HMCN1: variants seen among roughly 807,000 people sequenced by gnomAD.
HMCN1 encodes the protein hemicentin 1.
Under a neutral mutation model 625.9 loss-of-function variants are expected in HMCN1, and 321 were observed. That is an observed-to-expected ratio of 0.51 (90% confidence interval 0.47 to 0.56). The LOEUF is 0.56. HMCN1 is among the 20% of genes least tolerant of loss of function. HMCN1 has a pLI of 0.00. For synonymous variants in HMCN1, 2,425 were observed against 2,417.6 expected, an observed-to-expected ratio of 1.00 and a Z score of -0.09; for missense variants, 6,588 against 6,887.3, an observed-to-expected ratio of 0.96 and a Z score of 1.54.
rs149097353 is a variant in HMCN1 at position 186,120,040 on chromosome 1, G to A, written c.12124G>A (p.Gly4042Ser). ...GRNHAVLPSG[G>S]LQISRAVRED... The stretch of plus-strand genomic sequence containing the variant: ...AAACCATGCAGTTCTTCCTAGTGGC[G>A]GCTTACAGATCTCCAGAGCTGTCCG... The change falls in exon 80 of 107, where the codon GGC becomes AGC. Residue 4042 changes from glycine (G) to serine (S), a missense_variant. This residue lies in a region of HMCN1 where 1,954 missense variants were observed against 2,013.1 expected (regional missense o/e 0.97). Coordinates refer to ENST00000271588, the MANE Select transcript of HMCN1 (RefSeq NM_031935.3). The A allele has an allele frequency of 2.9e-5, 46 of 1,613,918 alleles. No homozygotes were observed. The highest frequency in any genetic ancestry group is 2.0e-4 in the East Asian group (9 of 44,878).
intron 19 of HMCN1, among the ~76,000 whole-genome samples, chr1:185,985,000 G>A (rs1406952635): frequency 6.6e-6 from 1 of 151,744 alleles, no homozygotes; most frequent in Non-Finnish European, 1.5e-5. Context: ...CTGAATATCT[G>A]AGGGAAGAAA....
chr1:185,767,964 A>G (rs1655977700), intron 1 of HMCN1, among the ~76,000 whole-genome samples: 1 of 152,206 alleles, frequency 6.6e-6, no homozygotes, highest in Non-Finnish European at 1.5e-5. Flanking sequence ...ATCAGAAGAA[A>G]AACAAAAATC....
At chr1:186,066,480 C>T (rs1658121422) in intron 49 of HMCN1, among the ~76,000 whole-genome samples, 1 of 152,114 alleles carries the variant, frequency 6.6e-6, no homozygotes, top group Non-Finnish European at 1.5e-5. Context: ...TTCAGTTACT[C>T]CTTGCACTTA....
intron 11 of HMCN1, among the ~76,000 whole-genome samples, chr1:185,960,404 C>T (rs1036053731): frequency 6.6e-6 from 1 of 152,176 alleles, no homozygotes; most frequent in African/African-American, 2.4e-5. Flanking sequence ...GTTGGGATTA[C>T]AGGCGTGAAC....
chr1:185,735,950 T>C (rs939472015), intron 1 of HMCN1, among the ~76,000 whole-genome samples: 1 of 152,192 alleles, frequency 6.6e-6, no homozygotes, highest in Non-Finnish European at 1.5e-5. Flanking sequence ...GAAGCAGTGA[T>C]TTCTTAACAG....
intron 1 of HMCN1, among the ~76,000 whole-genome samples, chr1:185,832,952 C>G (rs1176001555): frequency 1.3e-5 from 2 of 152,174 alleles, no homozygotes; most frequent in African/African-American, 4.8e-5. Flanking sequence ...TGTAGACATT[C>G]ATTTTATACA....
chr1:185,994,772 A>G, intron 23 of HMCN1, 43 bp from the exon 24 acceptor site: 2 of 1,588,038 alleles, frequency 1.3e-6, no homozygotes, highest in Non-Finnish European at 1.7e-6. Context: ...AAAGAAAGGA[A>G]TTTGTGAAAG....
intron 97 of HMCN1, among the ~76,000 whole-genome samples, chr1:186,158,340 C>T (rs1391543443): frequency 2.0e-5 from 3 of 151,440 alleles, no homozygotes; most frequent in Non-Finnish European, 4.4e-5. Flanking sequence ...GATATTAGCC[C>T]ATTGTCAGAT....
intron 25 of HMCN1, among the ~76,000 whole-genome samples, chr1:185,998,473 C>T (rs1469599552): frequency 1.3e-5 from 2 of 152,080 alleles, no homozygotes; most frequent in African/African-American, 2.4e-5. Context: ...AATAACTATT[C>T]CAAGAGTCAC....
chr1:185,797,741 C>T (rs1227907176), intron 1 of HMCN1, among the ~76,000 whole-genome samples: 4 of 128,372 alleles, frequency 3.1e-5, no homozygotes, highest in African/African-American at 1.0e-4. Context: ...CCGAGGCGGG[C>T]GGATCACGAG....
At chr1:185,858,178 A>T (rs1662590759) in intron 2 of HMCN1, among the ~76,000 whole-genome samples, 1 of 152,208 alleles carries the variant, frequency 6.6e-6, no homozygotes, top group Admixed American at 6.5e-5. Flanking sequence ...AGAATAAATA[A>T]CATAGTGTTT....
intron 100 of HMCN1, among the ~76,000 whole-genome samples, chr1:186,169,989 AC>A (rs1421008539): frequency 1.3e-5 from 2 of 151,690 alleles, no homozygotes; most frequent in Admixed American, 1.3e-4. Flanking sequence ...AAAAAAAAAA[AC>A]CATCAAAAAG....
chr1:186,065,094 A>C (rs1658020659), intron 48 of HMCN1, 144 bp from the exon 49 acceptor site: 4 of 624,150 alleles, frequency 6.4e-6, no homozygotes, highest in Non-Finnish European at 8.4e-6. Context: ...GTTAGCTTGC[A>C]TAGTTATTTT....
rs182492289 is a variant in HMCN1, at chr1:185,912,992, A to G, written c.900+1212A>G. On this transcript the variant is annotated intron_variant, in intron 6 of 106. Transcript: ENST00000271588. ...GGAGCTGATATACCGTAGAAATTCA[A>G]AGAGCCATTTTTCATGCCAGTCAGT... Among the ~76,000 whole-genome samples, 98 of 152,282 alleles carry G rather than the reference A, an allele frequency of 6.4e-4. 2 individuals are homozygous for G. The highest frequency in any genetic ancestry group is 4.6e-4 in the Non-Finnish European group (31 of 68,006).
At chr1:185,900,942 A>T (rs571987901) in intron 4 of HMCN1, among the ~76,000 whole-genome samples, 88 of 152,066 alleles carry the variant, frequency 5.8e-4, no homozygotes, top group Admixed American at 1.9e-3. Context: ...CCAACAGGAA[A>T]GCATAAGAAC....
intron 51 of HMCN1, 73 bp downstream of exon 51, chr1:186,069,849 A>T (rs188135549): frequency 1.1e-6 from 1 of 909,042 alleles, no homozygotes; most frequent in Admixed American, 2.0e-5. Flanking sequence ...GTTTTTCATT[A>T]TGGGTTCATA....
At chr1:185,881,521 G>A (rs1028820667) in intron 4 of HMCN1, among the ~76,000 whole-genome samples, 14 of 152,160 alleles carry the variant, frequency 9.2e-5, no homozygotes, top group African/African-American at 3.4e-4. Flanking sequence ...GGGTAGGGTG[G>A]AGCCATGGGT....
rs886045670 is a variant in HMCN1 at position 186,003,815 on chromosome 1, T to C, written c.4446T>C (p.Phe1482=). The change falls in exon 29 of 107, where the codon TTT becomes TTC. Residue 1482 remains phenylalanine, a synonymous_variant. Coordinates refer to ENST00000271588, the MANE Select transcript of HMCN1 (RefSeq NM_031935.3). ...ALECQVKGTP[F]PDIHWFKDGK... is the part of the protein sequence containing the mutation. ...AATGCCAGGTCAAAGGCACTCCCTTTCCTGATATTCATTGGTTCAAAGATG... is the reference window on the plus strand; with the variant it reads ...AATGCCAGGTCAAAGGCACTCCCTTCCCTGATATTCATTGGTTCAAAGATG... The C allele has an allele frequency of 1.2e-6, 2 of 1,613,190 alleles. No homozygotes were observed. Among genetic ancestry groups the C allele is most frequent in the Non-Finnish European group, 1.7e-6 (2 of 1,179,426 alleles).
chr1:186,150,246 T>A (rs1231241161), intron 93 of HMCN1, among the ~76,000 whole-genome samples: 1 of 152,188 alleles, frequency 6.6e-6, no homozygotes, highest in East Asian at 1.9e-4. Flanking sequence ...TGTATTAAAA[T>A]ACATCAGATA....
Sources: gnomAD v4.1 joint callset for allele counts (sites outside exome capture counted in the v4.1 genomes callset) on GRCh38, gnomAD v4.1.1 for gene constraint, gnomAD v4.1.1 regional missense constraint, MANE v1.5 for transcripts, NCBI Gene and HGNC (gene_info 2026-07-23, HGNC 2026-07-21) for gene names.